Variants in PTPRM observed in about 807,000 individuals in gnomAD.
The protein encoded by PTPRM is protein tyrosine phosphatase receptor type M.
Under a neutral mutation model 186.7 loss-of-function variants are expected in PTPRM, and 47 were observed. That is an observed-to-expected ratio of 0.25 (90% CI 0.20 to 0.32). The LOEUF is 0.32. PTPRM is among the 10% of genes least tolerant of loss of function. PTPRM has a pLI of 1.00. For missense variants in PTPRM, 1,494 were observed against 1,865.0 expected (o/e 0.80, Z 3.66); for synonymous variants, 668 against 674.9 (o/e 0.99, Z 0.16).
At chr18:7,618,742 C>G (rs1181914169) in intron 1 of PTPRM, among the ~76,000 whole-genome samples, 1 of 152,174 alleles carries the variant, frequency 6.6e-6, no homozygotes. Flanking sequence ...ATACAAAATA[C>G]GGTTCCTGGC....
intron 22 of PTPRM, among the ~76,000 whole-genome samples, chr18:8,342,308 GTATA>G (rs1568787016): frequency 6.6e-6 from 1 of 152,202 alleles, no homozygotes; most frequent in African/African-American, 2.4e-5. Context: ...AAATGCCTGA[GTATA>G]CATTAATTCC....
chr18:8,235,247 T>G (rs1256518513), intron 14 of PTPRM, among the ~76,000 whole-genome samples: 1 of 152,172 alleles, frequency 6.6e-6, no homozygotes, highest in Non-Finnish European at 1.5e-5. Context: ...GACTCAATTT[T>G]TTAATAGCTA....
At chr18:7,962,442 G>A (rs1008194010) in intron 7 of PTPRM, among the ~76,000 whole-genome samples, 2 of 152,134 alleles carry the variant, frequency 1.3e-5, no homozygotes, top group African/African-American at 4.8e-5. Flanking sequence ...TGTGCCTTAT[G>A]TAGTAGCACA....
At chr18:7,636,931 G>A (rs1326476667) in intron 1 of PTPRM, among the ~76,000 whole-genome samples, 1 of 152,050 alleles carries the variant, frequency 6.6e-6, no homozygotes, top group Non-Finnish European at 1.5e-5. Context: ...ACTTTGGGAG[G>A]CCTAGGCTGG....
chr18:7,738,917 G>C (rs1168097174), intron 1 of PTPRM, among the ~76,000 whole-genome samples: 1 of 152,158 alleles, frequency 6.6e-6, no homozygotes, highest in African/African-American at 2.4e-5. Context: ...TCAGAAAGCT[G>C]TAATGGATCA....
intron 1 of PTPRM, among the ~76,000 whole-genome samples, chr18:7,650,652 A>C (rs949406991): frequency 1.3e-5 from 2 of 152,160 alleles, no homozygotes; most frequent in African/African-American, 4.8e-5. Flanking sequence ...TCTTATAGGC[A>C]CTATCACAGT....
intron 17 of PTPRM, among the ~76,000 whole-genome samples, chr18:8,249,977 G>A (rs1243378360): frequency 6.6e-6 from 1 of 152,098 alleles, no homozygotes; most frequent in African/African-American, 2.4e-5. Context: ...TGAGTAACAA[G>A]GATTGGTGAG....
intron 1 of PTPRM, among the ~76,000 whole-genome samples, chr18:7,702,886 G>C (rs1254505737): frequency 6.6e-6 from 1 of 151,800 alleles, no homozygotes; most frequent in Non-Finnish European, 1.5e-5. Flanking sequence ...TGTAAGGAAG[G>C]GGTCCAGTTT....
intron 14 of PTPRM, among the ~76,000 whole-genome samples, chr18:8,241,366 A>T (rs974158597): frequency 1.3e-5 from 2 of 150,632 alleles, no homozygotes; most frequent in East Asian, 1.9e-4. Context: ...TAAAATTAAA[A>T]ATTAAAGAAA....
chr18:7,580,973 C>T (rs758474018), intron 1 of PTPRM, among the ~76,000 whole-genome samples: 17 of 152,234 alleles, frequency 1.1e-4, no homozygotes, highest in Non-Finnish European at 2.2e-4. Context: ...GATTTCTTTC[C>T]GGTTCAGGGA....
intron 14 of PTPRM, among the ~76,000 whole-genome samples, chr18:8,191,574 A>G (rs1394618344): frequency 2.0e-5 from 3 of 152,208 alleles, no homozygotes; most frequent in Non-Finnish European, 2.9e-5. Context: ...GGGTATGAGT[A>G]AGTGTATGTG....
In PTPRM at chr18:8,406,295, C is replaced by A; in HGVS notation, c.*133C>A. On this transcript the variant is annotated 3_prime_UTR_variant, in exon 33 of 33. Coordinates refer to ENST00000580170, the MANE Select transcript of PTPRM (RefSeq NM_001105244.2). ...GCATAATTGGCTCTTTTTAAGAGCC[C>A]AAGAAAGTGTTTCTAAAATTGCTTG... 3 of 819,936 alleles carry A rather than the reference C, an allele frequency of 3.7e-6. No homozygotes were observed. The highest frequency in any genetic ancestry group is 2.7e-5 in the Admixed American group (1 of 36,658). The allele number at this position is 819,936 out of a possible 1,614,324, so 50.8% of individuals were successfully genotyped here.
chr18:7,578,614 C>T (rs1010407600), intron 1 of PTPRM, among the ~76,000 whole-genome samples: 9 of 151,394 alleles, frequency 5.9e-5, no homozygotes, highest in African/African-American at 1.5e-4. Flanking sequence ...GGATTACAGG[C>T]GTGAGCCACA....
chr18:7,627,853 G>T (rs878967301), intron 1 of PTPRM, among the ~76,000 whole-genome samples: 1 of 152,130 alleles, frequency 6.6e-6, no homozygotes, highest in African/African-American at 2.4e-5. Flanking sequence ...AGGAAATGGG[G>T]TGTTGTGCGG....
At chr18:8,075,110 G>A (rs2089725343) in intron 8 of PTPRM, among the ~76,000 whole-genome samples, 1 of 152,126 alleles carries the variant, frequency 6.6e-6, no homozygotes, top group African/African-American at 2.4e-5. Flanking sequence ...TCTTGTGCAT[G>A]TGGATATCCA....
At position 8,253,260 on chromosome 18, in the gene PTPRM, G is replaced by T; in HGVS notation, c.2600G>T (p.Ser867Ile). The T allele has an allele frequency of 6.4e-7, 1 of 1,562,202 alleles. No homozygotes were observed. Residue 867 changes from serine to isoleucine, a missense_variant, in exon 19 of 33, where the codon AGC becomes ATC. By Grantham distance (142) the Ser-to-Ile change is moderately radical. Around this residue, in one of 3 missense-constraint regions of PTPRM, gnomAD observed 1,107 missense variants for 1,350.2 expected, o/e 0.82. Transcript: ENST00000580170. ...ETHTMASDTSSLVQSHTYKKR... is the reference protein window; with the variant it reads ...ETHTMASDTSILVQSHTYKKR... ...CACACAATGGCCAGCGATACCAGCA[G>T]CCTGGTGCAGTCCCATACTTACAAG... is the stretch of plus-strand genomic sequence containing the variant.
intron 9 of PTPRM, among the ~76,000 whole-genome samples, chr18:8,078,349 T>G (rs1209220647): frequency 2.0e-5 from 3 of 152,170 alleles, no homozygotes; most frequent in Non-Finnish European, 4.4e-5. Flanking sequence ...TGACCCAGAT[T>G]CAGTACCTCT....
chr18:7,580,281 T>C (rs1274402238), intron 1 of PTPRM, among the ~76,000 whole-genome samples: 4 of 152,206 alleles, frequency 2.6e-5, no homozygotes, highest in Non-Finnish European at 4.4e-5. Flanking sequence ...TCTAGAGCAC[T>C]GGGTCCCATC....
chr18:7,683,668 T>G (rs2039530932), intron 1 of PTPRM, among the ~76,000 whole-genome samples: 2 of 152,172 alleles, frequency 1.3e-5, no homozygotes. Context: ...ACTTCTTGAT[T>G]AAAGGATGGA....
Sources: gnomAD v4.1 joint callset for allele counts (sites outside exome capture counted in the v4.1 genomes callset) on GRCh38, gnomAD v4.1.1 for gene constraint, gnomAD v4.1.1 regional missense constraint, MANE v1.5 for transcripts, NCBI Gene and HGNC (gene_info 2026-07-23, HGNC 2026-07-21) for gene names.